Variants in FAM120B observed in about 807,000 individuals in gnomAD.
FAM120B encodes family with sequence similarity 120 member B.
A neutral mutation model predicts 96.3 loss-of-function variants in FAM120B; 83 were observed. The observed-to-expected ratio is 0.86, with a 90% confidence interval of 0.72 to 1.03. The LOEUF (loss-of-function observed/expected upper bound fraction) is 1.03, where lower values mean the gene tolerates loss of function less well. Ranked by LOEUF, FAM120B falls within the 50% of genes least tolerant of loss-of-function variation. The pLI, the probability that FAM120B is intolerant of heterozygous loss-of-function variation, is 0.00. For missense variants in FAM120B, 1,027 were observed against 1,121.2 expected (o/e 0.92, Z 1.20); for synonymous variants, 407 against 402.7 (o/e 1.01, Z -0.13).
Position 170,317,955 on chromosome 6 carries a change from C to CCCTACTTTTCAATTAGCGAGCTCTG in FAM120B, c.570_594dup (p.Glu199LeufsTer4). ...TGATTACCTAATCTATGACACTTGTCCCTACTTTTCAATTAGCGAGCTCTG... is the reference window on the plus strand; with the variant it reads ...TGATTACCTAATCTATGACACTTGTCCCTACTTTTCAATTAGCGAGCTCTGCCTACTTTTCAATTAGCGAGCTCTG... On this transcript the variant is annotated frameshift_variant, in exon 2 of 11. Coordinates refer to ENST00000476287, the MANE Select transcript of FAM120B (RefSeq NM_032448.3). LOFTEE classifies it high-confidence loss of function. 1 of 1,614,014 alleles carries CCCTACTTTTCAATTAGCGAGCTCTG rather than the reference C, an allele frequency of 6.2e-7. No homozygotes were observed. Among genetic ancestry groups the CCCTACTTTTCAATTAGCGAGCTCTG allele is most frequent in the Non-Finnish European group, 8.5e-7 (1 of 1,179,924 alleles).
intron 1 of FAM120B, among the ~76,000 whole-genome samples, chr6:170,307,270 C>T (rs924516406): frequency 2.6e-5 from 4 of 152,224 alleles, no homozygotes; most frequent in Admixed American, 2.6e-4. Context: ...AGAGAGGCAT[C>T]CTCTGATCTC....
chr6:170,393,148 C>CA (rs66472378), intron 8 of FAM120B, among the ~76,000 whole-genome samples: 17,644 of 119,706 alleles, frequency 0.15, 1,750 homozygotes, highest in African/African-American at 0.23. Context: ...CCTGTCTTTA[C>CA]AAAAAAAAAA....
chr6:170,376,006 G>A (rs6456204), intron 6 of FAM120B, among the ~76,000 whole-genome samples: 43,820 of 152,060 alleles, frequency 0.29, 7,473 homozygotes, highest in East Asian at 0.79. Flanking sequence ...ATTCAGTGAG[G>A]AGCCTTGCCC....
upstream of FAM120B, among the ~76,000 whole-genome samples, chr6:170,294,224 C>T (rs1304504313): frequency 6.6e-6 from 1 of 152,220 alleles, no homozygotes; most frequent in Non-Finnish European, 1.5e-5. The surrounding 1 kb of genome is among the most constrained non-coding windows in gnomAD (Gnocchi z 7.9). Flanking sequence ...AAATCCTCAC[C>T]TTGCTCATTA....
intron 4 of FAM120B, among the ~76,000 whole-genome samples, chr6:170,332,382 T>C (rs1011585813): frequency 2.0e-5 from 3 of 152,190 alleles, no homozygotes; most frequent in African/African-American, 4.8e-5. Flanking sequence ...AGTATTCACA[T>C]GAATACAACA....
chr6:170,327,627 A>T (rs1030504154), intron 3 of FAM120B, among the ~76,000 whole-genome samples: 1 of 152,080 alleles, frequency 6.6e-6, no homozygotes, highest in African/African-American at 2.4e-5. Flanking sequence ...CACACTGCAC[A>T]CGCAGGCTGC....
chr6:170,340,180 G>C (rs911267206), intron 4 of FAM120B, among the ~76,000 whole-genome samples: 4 of 152,154 alleles, frequency 2.6e-5, no homozygotes, highest in Non-Finnish European at 5.9e-5. Context: ...TGGAGGCTTT[G>C]TTCGTTCCTT....
chr6:170,377,196 C>A (rs1789591508), intron 6 of FAM120B, among the ~76,000 whole-genome samples: 2 of 107,192 alleles, frequency 1.9e-5, no homozygotes, highest in Middle Eastern at 4.9e-3. Context: ...TGGGAGAACA[C>A]GAGCTCACGC....
chr6:170,357,462 C>T (rs1220664186), intron 5 of FAM120B, among the ~76,000 whole-genome samples: 1 of 152,164 alleles, frequency 6.6e-6, no homozygotes, highest in East Asian at 1.9e-4. Flanking sequence ...TCTCTTGTTC[C>T]TCTGTCCCTC....
At chr6:170,329,624 T>G (rs1482292682) in intron 3 of FAM120B, among the ~76,000 whole-genome samples, 1 of 151,744 alleles carries the variant, frequency 6.6e-6, no homozygotes, top group Non-Finnish European at 1.5e-5. Flanking sequence ...GGTTTTGAGG[T>G]GTTCTCTTTA....
intron 6 of FAM120B, among the ~76,000 whole-genome samples, chr6:170,387,808 G>A (rs1426197252): frequency 2.0e-5 from 3 of 152,154 alleles, no homozygotes; most frequent in Non-Finnish European, 4.4e-5. Flanking sequence ...AAACTTAATA[G>A]TGTCTAAAAT....
upstream of FAM120B, among the ~76,000 whole-genome samples, chr6:170,305,644 A>C (rs1433654336): frequency 6.6e-6 from 1 of 152,254 alleles, no homozygotes; most frequent in African/African-American, 2.4e-5. Flanking sequence ...TTGGAGATAC[A>C]TCCTAAATAA....
At chr6:170,322,644 A>G (rs765531699) in intron 2 of FAM120B, among the ~76,000 whole-genome samples, 10 of 152,200 alleles carry the variant, frequency 6.6e-5, no homozygotes, top group Admixed American at 3.3e-4. Flanking sequence ...GTTATGGTGA[A>G]GGATTTGTGG....
chr6:170,401,216 C>T (rs1238179965), intron 9 of FAM120B, among the ~76,000 whole-genome samples: 1 of 152,234 alleles, frequency 6.6e-6, no homozygotes, highest in African/African-American at 2.4e-5. Context: ...AGGAACCCCC[C>T]AGTCGCCCCG....
At chr6:170,344,185 C>T (rs1291941818) in intron 4 of FAM120B, among the ~76,000 whole-genome samples, 1 of 104,490 alleles carries the variant, frequency 9.6e-6, no homozygotes, top group Non-Finnish European at 1.9e-5. Flanking sequence ...ATCGTTCAGT[C>T]CATTCACCTG....
chr6:170,368,821 G>GA (rs1554287938), intron 6 of FAM120B, among the ~76,000 whole-genome samples: 519 of 20,344 alleles, frequency 0.026, 14 homozygotes, highest in African/African-American at 0.047. Context: ...TGCCGGGGCT[G>GA]GGGGGGGGGC....
Position 170,406,722 on chromosome 6 carries a change from A to G in FAM120B, c.*1971A>G, listed in dbSNP as rs1406471365. 2.0e-5 allele frequency: 3 copies of G among 151,808 alleles called. No homozygotes were observed. The highest frequency in any genetic ancestry group is 7.3e-5 in the African/African-American group (3 of 41,282). 9.4% of individuals were successfully genotyped at this position (151,808 alleles called of 1,614,324 possible). On this transcript the variant is annotated 3_prime_UTR_variant, in exon 11 of 11. Coordinates refer to ENST00000476287, the MANE Select transcript of FAM120B (RefSeq NM_032448.3). The stretch of plus-strand genomic sequence containing the variant: ...TAAACATTAACTTTCTATTTCTTCC[A>G]TTTTTGCTCATTTGAAACCCCTGCT...
chr6:170,339,158 C>T (rs922929701), intron 4 of FAM120B, among the ~76,000 whole-genome samples: 1 of 152,118 alleles, frequency 6.6e-6, no homozygotes, highest in East Asian at 1.9e-4. Context: ...CCAGTTTTTT[C>T]TTTCCTTATT....
chr6:170,297,975 C>A (rs758736309), intron 1 of FAM120B: 4 of 152,196 alleles, frequency 2.6e-5, no homozygotes, highest in Non-Finnish European at 4.4e-5. Flanking sequence ...AGATGTAAGA[C>A]TTAGATTTTT....
Sources: allele counts gnomAD v4.1 joint callset (sites outside exome capture counted in the v4.1 genomes callset), GRCh38; gene constraint gnomAD v4.1.1; non-coding constraint Gnocchi (gnomAD v3.1); transcripts MANE v1.5; gene names NCBI Gene and HGNC (gene_info 2026-07-23, HGNC 2026-07-21).